BCAS3: variants seen among roughly 807,000 people sequenced by gnomAD.
BCAS3 encodes the protein BCAS3 microtubule associated cell migration factor, also known as BCAS4/BCAS3 fusion.
In BCAS3, 53 loss-of-function variants were observed where a neutral mutation model predicts 116.1. The ratio of observed to expected loss-of-function variants is 0.46; its 90% CI spans 0.37 to 0.57. The LOEUF is 0.57. BCAS3 is among the 20% of genes least tolerant of loss of function. The pLI, the probability that BCAS3 is intolerant of heterozygous loss-of-function variation, is 0.00. For missense variants in BCAS3, 917 were observed against 1,165.4 expected (o/e 0.79, Z 3.10); for synonymous variants, 391 against 408.2 (o/e 0.96, Z 0.51).
At chr17:60,680,797 G>A (rs539596340) in intron 2 of BCAS3, among the ~76,000 whole-genome samples, 9 of 152,194 alleles carry the variant, frequency 5.9e-5, no homozygotes, top group South Asian at 2.1e-4. Flanking sequence ...ACAGGCGAGC[G>A]CCACCAGGCC....
intron 22 of BCAS3, among the ~76,000 whole-genome samples, chr17:61,320,872 C>T (rs191901747): frequency 8.5e-4 from 130 of 152,220 alleles, no homozygotes; most frequent in African/African-American, 2.8e-3. Context: ...CACATGTAAT[C>T]AGCTCTTCAG....
intron 13 of BCAS3, among the ~76,000 whole-genome samples, chr17:60,946,485 A>G (rs1002165042): frequency 9.2e-5 from 14 of 152,344 alleles, no homozygotes; most frequent in South Asian, 2.1e-4. Context: ...TTCAATAAAT[A>G]TCATGGTGAA....
rs1361969303 is a variant in BCAS3, at chr17:61,235,781, A to C, written c.2426-132546A>C. On this transcript the variant is annotated intron_variant, in intron 22 of 23. Transcript: ENST00000407086. The surrounding 1 kb of genome is among the most constrained non-coding windows in gnomAD (Gnocchi z 5.0). Reference sequence around the variant, plus strand: ...GGGAGGCTGCAAAAGAGATGTGGAGACTGGGGGAAAAGGACTGATTATATG... The same window carrying C: ...GGGAGGCTGCAAAAGAGATGTGGAGCCTGGGGGAAAAGGACTGATTATATG... Among the ~76,000 whole-genome samples the C allele has an allele frequency of 1.3e-5, 2 of 152,152 alleles. No homozygotes were observed. The highest frequency in any genetic ancestry group is 1.5e-5 in the Non-Finnish European group (1 of 68,000).
At chr17:60,692,671 T>C (rs1326340723) in intron 4 of BCAS3, among the ~76,000 whole-genome samples, 1 of 148,266 alleles carries the variant, frequency 6.7e-6, no homozygotes, top group African/African-American at 2.5e-5. Flanking sequence ...GAGGCGGAGG[T>C]TGTAGTGGGC....
rs916762204 is a variant in BCAS3 at position 61,021,541 on chromosome 17, G to GA, written c.1637+5650dup. 6.7e-3 allele frequency among the ~76,000 whole-genome samples: 997 copies of GA among 148,092 alleles called. 6 individuals carry two copies. The highest frequency in any genetic ancestry group is 0.023 in the African/African-American group (932 of 40,352). On this transcript the variant is annotated intron_variant, in intron 16 of 23. Transcript: ENST00000407086. The surrounding 1 kb of genome is among the most constrained non-coding windows in gnomAD (Gnocchi z 4.6). The stretch of plus-strand genomic sequence containing the variant: ...GTGTCCTAGGTAAATTTCTTCACCT[G>GA]AAAAAAAAAAGTTTATATATATGGA...
At position 61,229,755 on chromosome 17, in the gene BCAS3, C is replaced by T. The variant is rs1383193706; in HGVS notation, c.2426-138572C>T. On this transcript the variant is annotated intron_variant, in intron 22 of 23. Transcript: ENST00000407086. The surrounding 1 kb of genome is among the most constrained non-coding windows in gnomAD (Gnocchi z 4.4). ...GCTTTATGCATCCCTCTTACCCCGT[C>T]TCTAGATATGGAGCCACAACCTTGC... 3.9e-5 allele frequency among the ~76,000 whole-genome samples: 6 copies of T among 152,152 alleles called. No homozygotes were observed.
rs1280741806 is a variant in BCAS3, at chr17:61,203,231, C to CA, written c.2425+118668dup. Reference sequence around the variant, plus strand: ...GGAGTACAATGGCACGATCTTGGCTCACTGCAGCCTCTACTTCCTGGGTTC... The same window carrying CA: ...GGAGTACAATGGCACGATCTTGGCTCAACTGCAGCCTCTACTTCCTGGGTTC... On this transcript the variant is annotated intron_variant, in intron 22 of 23. Coordinates refer to ENST00000407086, the MANE Select transcript of BCAS3 (RefSeq NM_017679.5). This position sits in a 1 kb window ranked among gnomAD's most constrained non-coding sequence, Gnocchi z 5.7. 1.3e-5 allele frequency among the ~76,000 whole-genome samples: 2 copies of CA among 152,118 alleles called. No homozygotes were observed. The highest frequency in any genetic ancestry group is 4.8e-5 in the African/African-American group (2 of 41,410).
chr17:61,240,458 CT>C (rs2047414092), intron 22 of BCAS3, among the ~76,000 whole-genome samples: 2 of 152,062 alleles, frequency 1.3e-5, no homozygotes, highest in Admixed American at 1.3e-4. Flanking sequence ...TGAGACCAGC[CT>C]GGCCAACATG....
At position 60,781,819 on chromosome 17, in the gene BCAS3, A is replaced by G. The variant is rs191765255; in HGVS notation, c.404-26185A>G. Among the ~76,000 whole-genome samples, 945 of 152,270 alleles carry G rather than the reference A, an allele frequency of 6.2e-3. 6 individuals carry two copies. Among genetic ancestry groups the G allele is most frequent in the Non-Finnish European group, 8.2e-3 (556 of 68,018 alleles). On this transcript the variant is annotated intron_variant, in intron 6 of 23. Coordinates refer to ENST00000407086, the MANE Select transcript of BCAS3 (RefSeq NM_017679.5). ...CCTACGTTAGTTAATAACAGTTGCT[A>G]TGTGCTTCTAGACCTATTTCTAGGT...
At chr17:60,985,857 C>T (rs1421921022) in intron 14 of BCAS3, among the ~76,000 whole-genome samples, 3 of 152,218 alleles carry the variant, frequency 2.0e-5, no homozygotes, top group Non-Finnish European at 4.4e-5. Context: ...CCACCTCAGT[C>T]TCCCAAGTAG....
intron 4 of BCAS3, among the ~76,000 whole-genome samples, chr17:60,703,274 C>CA (rs907078207): frequency 5.6e-4 from 85 of 150,644 alleles, no homozygotes; most frequent in Middle Eastern, 6.9e-3. Context: ...GACTCTGTCT[C>CA]AAAAAACAGA....
At position 61,222,876 on chromosome 17, in the gene BCAS3, T is replaced by C. The variant is rs2082183732; in HGVS notation, c.2425+138312T>C. 6.6e-6 allele frequency among the ~76,000 whole-genome samples: 1 copy of C among 152,168 alleles called. No individual in the cohort carries two copies. Among genetic ancestry groups the C allele is most frequent in the Non-Finnish European group, 1.5e-5 (1 of 68,032 alleles). On this transcript the variant is annotated intron_variant, in intron 22 of 23. Transcript: ENST00000407086. The surrounding 1 kb of genome is among the most constrained non-coding windows in gnomAD (Gnocchi z 6.1). ...GGGCTTGTGATTTCCTTTGCTTTCA[T>C]GTTTGCTCCCTTTCTGAAAGATGGG... is the stretch of plus-strand genomic sequence containing the variant.
At chr17:61,336,745 T>A (rs2056753908) in intron 22 of BCAS3, among the ~76,000 whole-genome samples, 1 of 152,236 alleles carries the variant, frequency 6.6e-6, no homozygotes, top group South Asian at 2.1e-4. Context: ...TTTGGGGGCA[T>A]GAATGTGTCA....
intron 22 of BCAS3, among the ~76,000 whole-genome samples, chr17:61,206,430 T>C (rs916249141): frequency 1.3e-5 from 2 of 152,198 alleles, no homozygotes; most frequent in African/African-American, 2.4e-5. Context: ...TATTAATATA[T>C]CCATAAATGT....
intron 22 of BCAS3, among the ~76,000 whole-genome samples, chr17:61,284,842 A>G (rs2051588643): frequency 6.6e-6 from 1 of 152,142 alleles, no homozygotes; most frequent in Admixed American, 6.5e-5. Context: ...AAGTGAGGAG[A>G]TTTGCCCAGG....
At position 61,100,478 on chromosome 17, in the gene BCAS3, C is replaced by T. The variant is rs142458645; in HGVS notation, c.2425+15914C>T. ...CATGTTCTTAATCTTTCTCTTTATT[C>T]CAACTCACCCCCTTGATTAAATTAA... On this transcript the variant is annotated intron_variant, in intron 22 of 23. Transcript: ENST00000407086. Among the ~76,000 whole-genome samples the T allele has an allele frequency of 2.7e-3, 408 of 152,242 alleles. 3 individuals are homozygous for T. The highest frequency in any genetic ancestry group is 9.5e-3 in the African/African-American group (393 of 41,530).
At chr17:60,777,926 A>G (rs147679611) in intron 6 of BCAS3, among the ~76,000 whole-genome samples, 206 of 152,208 alleles carry the variant, frequency 1.4e-3, no homozygotes, top group Non-Finnish European at 2.5e-3. Flanking sequence ...TTTATCTCAT[A>G]GTTTTCTTTA....
intron 4 of BCAS3, among the ~76,000 whole-genome samples, chr17:60,693,399 T>C (rs762903799): frequency 4.0e-5 from 6 of 151,768 alleles, no homozygotes; most frequent in Non-Finnish European, 8.8e-5. Flanking sequence ...CCATACTTCA[T>C]ACTTGGCCAG....
intron 6 of BCAS3, among the ~76,000 whole-genome samples, chr17:60,799,533 T>TTTG (rs1211084380): frequency 1.5e-5 from 2 of 132,664 alleles, no homozygotes; most frequent in African/African-American, 6.4e-5. Flanking sequence ...TGTTTTTTTT[T>TTTG]TTTTTTTTTT....
Sources: gnomAD v4.1 joint callset for allele counts (sites outside exome capture counted in the v4.1 genomes callset) on GRCh38, gnomAD v4.1.1 for gene constraint, Gnocchi (gnomAD v3.1) non-coding constraint, MANE v1.5 for transcripts, NCBI Gene and HGNC (gene_info 2026-07-23, HGNC 2026-07-21) for gene names.